The following MCC variants were observed in gnomAD, a reference collection of about 807,000 sequenced individuals.
The protein encoded by MCC is colorectal mutant cancer protein.
Under a neutral mutation model 116.2 loss-of-function variants are expected in MCC, and 90 were observed. The observed-to-expected ratio is 0.77, with a 90% CI of 0.65 to 0.92. MCC has a LOEUF of 0.92. Among genes scored for constraint, MCC ranks in the 40% least tolerant of loss-of-function variants. MCC has a pLI of 0.00. For synonymous variants in MCC, 578 were observed against 510.5 expected (o/e 1.13, Z -1.78); for missense variants, 1,516 against 1,312.2 (o/e 1.16, Z -2.40).
chr5:113,342,883 A>G (rs1768048725), intron 2 of MCC, among the ~76,000 whole-genome samples: 1 of 152,236 alleles, frequency 6.6e-6, no homozygotes, highest in Admixed American at 6.5e-5. Flanking sequence ...CAACACAAAC[A>G]ACGGTCTATG....
At position 113,369,564 on chromosome 5, in the gene MCC, AC is replaced by A. The variant is rs1490217341; in HGVS notation, c.415+15403del. ...GCAGAGTCTCTGTTCCCTTTAAGTTACTTTTTCTATTGATTTGGTCTCTATC... is the reference window on the plus strand; with the variant it reads ...GCAGAGTCTCTGTTCCCTTTAAGTTATTTTTCTATTGATTTGGTCTCTATC... On this transcript the variant is annotated intron_variant, in intron 2 of 18. Transcript: ENST00000408903. Among the ~76,000 whole-genome samples, 3 of 151,948 alleles carry A rather than the reference AC, an allele frequency of 2.0e-5. No homozygotes were observed. The East Asian group carries it at 5.8e-4, about 29-fold the overall frequency.
chr5:113,278,525 G>A (rs1331918208), intron 3 of MCC, among the ~76,000 whole-genome samples: 1 of 152,224 alleles, frequency 6.6e-6, no homozygotes, highest in Non-Finnish European at 1.5e-5. Flanking sequence ...ATCAGAAACA[G>A]TTTTCCAAGG....
intron 1 of MCC, among the ~76,000 whole-genome samples, chr5:113,442,031 G>A (rs1771056796): frequency 6.6e-6 from 1 of 152,044 alleles, no homozygotes; most frequent in Admixed American, 6.5e-5. Context: ...TGGGTCAAAT[G>A]GTATTTCTAG....
chr5:113,463,670 G>A (rs1411439529), intron 1 of MCC, among the ~76,000 whole-genome samples: 5 of 152,172 alleles, frequency 3.3e-5, no homozygotes, highest in East Asian at 1.9e-4. Context: ...ACAAATACCT[G>A]GCAGGAGATG....
intron 1 of MCC, among the ~76,000 whole-genome samples, chr5:113,410,911 C>T (rs1279505841): frequency 2.0e-5 from 3 of 152,166 alleles, no homozygotes; most frequent in Admixed American, 6.5e-5. Flanking sequence ...CCAGCTTCAT[C>T]CATGTCCCTG....
intron 8 of MCC, among the ~76,000 whole-genome samples, chr5:113,096,678 T>C (rs1199907706): frequency 6.6e-6 from 1 of 152,178 alleles, no homozygotes; most frequent in East Asian, 1.9e-4. Flanking sequence ...GAGTGGGCTC[T>C]TAGGTGGTGG....
intron 3 of MCC, among the ~76,000 whole-genome samples, chr5:113,278,716 G>A (rs368504177): frequency 1.4e-4 from 21 of 152,284 alleles, no homozygotes; most frequent in African/African-American, 4.3e-4. Flanking sequence ...TGTGAGCGAC[G>A]TGGCTGGAGA....
rs376589810 is a variant in MCC at position 113,488,277 on chromosome 5, C to T, written c.138G>A (p.Thr46=). The T allele has an allele frequency of 6.3e-7, 1 of 1,595,558 alleles. No homozygotes were observed. Among genetic ancestry groups the T allele is most frequent in the Admixed American group, 1.7e-5 (1 of 58,766 alleles). ...EEERMRRLFQ[T]CDGDGDGYIS... is the part of the protein sequence containing the mutation. The stretch of plus-strand genomic sequence containing the variant: ...TGTATCCGTCCCCGTCGCCGTCGCA[C>T]GTCTGGAAGAGGCGCCGCATCCTCT... Residue 46 remains threonine (T), a synonymous_variant, in exon 1 of 19, where the codon ACG becomes ACA. Transcript: ENST00000408903.
intron 1 of MCC, among the ~76,000 whole-genome samples, chr5:113,415,849 G>A (rs255872): frequency 0.45 from 68,832 of 151,726 alleles, 17,485 homozygotes; most frequent in African/African-American, 0.69. Flanking sequence ...GAGAAAAGGC[G>A]CTCTGGTTTT....
At chr5:113,394,690 C>G (rs1561550109) in intron 1 of MCC, among the ~76,000 whole-genome samples, 1 of 152,220 alleles carries the variant, frequency 6.6e-6, no homozygotes, top group East Asian at 1.9e-4. Context: ...CTTCAGAAAT[C>G]TTCTGTATCT....
intron 15 of MCC, 54 bp downstream of exon 15, chr5:113,053,671 G>A: frequency 3.0e-6 from 4 of 1,323,762 alleles, no homozygotes; most frequent in Non-Finnish European, 3.2e-6. Flanking sequence ...TTCAGAGGTT[G>A]TTTAGATTTC....
intron 1 of MCC, among the ~76,000 whole-genome samples, chr5:113,458,879 A>C (rs1032232323): frequency 3.3e-5 from 5 of 152,208 alleles, no homozygotes; most frequent in African/African-American, 1.2e-4. Context: ...AATTGACCAG[A>C]GGAATCTTCA....
At chr5:113,173,960 T>G (rs990745391) in intron 3 of MCC, among the ~76,000 whole-genome samples, 1 of 152,118 alleles carries the variant, frequency 6.6e-6, no homozygotes, top group African/African-American at 2.4e-5. Context: ...CTTTCTACAT[T>G]ACTGCAACAG....
In MCC at chr5:113,024,575, A is replaced by T. The variant is rs1442249410; in HGVS notation, c.*2727T>A. 1 of 152,252 alleles carries T rather than the reference A, an allele frequency of 6.6e-6. No individual in the cohort carries two copies. Among genetic ancestry groups the T allele is most frequent in the Non-Finnish European group, 1.5e-5 (1 of 68,046 alleles). The allele number at this position is 152,252 out of a possible 1,614,324, so 9.4% of individuals were successfully genotyped here. ...GACTAAAAGGGGGTAACCACTGAGG[A>T]AACTAGGGAGAACAATTCAAAATAC... On this transcript the variant is annotated 3_prime_UTR_variant, in exon 19 of 19. Transcript: ENST00000408903.
intron 1 of MCC, among the ~76,000 whole-genome samples, chr5:113,421,429 T>C (rs1456994965): frequency 2.0e-5 from 3 of 152,326 alleles, no homozygotes; most frequent in East Asian, 3.9e-4. Context: ...AATAAAACTC[T>C]TTAATTTCAT....
At chr5:113,485,191 C>T (rs553748223) in intron 1 of MCC, among the ~76,000 whole-genome samples, 2 of 152,202 alleles carry the variant, frequency 1.3e-5, no homozygotes, top group East Asian at 3.9e-4. Flanking sequence ...TGACATTTCC[C>T]CTCACGGCCC....
chr5:113,258,282 G>A (rs1398559611), intron 3 of MCC, among the ~76,000 whole-genome samples: 1 of 152,216 alleles, frequency 6.6e-6, no homozygotes, highest in Non-Finnish European at 1.5e-5. Flanking sequence ...TGTTCTTTCT[G>A]TGGGTGGCAC....
At chr5:113,165,265 C>T (rs1760707210) in intron 3 of MCC, among the ~76,000 whole-genome samples, 1 of 152,182 alleles carries the variant, frequency 6.6e-6, no homozygotes, top group Admixed American at 6.5e-5. Context: ...GCAGCCTGTC[C>T]TCCTACTTTG....
chr5:113,057,377 G>C (rs996667317), intron 14 of MCC, among the ~76,000 whole-genome samples: 1 of 152,152 alleles, frequency 6.6e-6, no homozygotes, highest in Non-Finnish European at 1.5e-5. Context: ...TGCACCTTGG[G>C]AGCTACAGCA....
Sources: gnomAD v4.1 joint callset for allele counts (sites outside exome capture counted in the v4.1 genomes callset) on GRCh38, gnomAD v4.1.1 for gene constraint, MANE v1.5 for transcripts, NCBI Gene and HGNC (gene_info 2026-07-23, HGNC 2026-07-21) for gene names.